MORC4: variants seen among roughly 807,000 people sequenced by gnomAD.
MORC4 encodes MORC family CW-type zinc finger 4.
In MORC4, 22 loss-of-function variants were observed where a neutral mutation model predicts 65.5. The observed-to-expected ratio is 0.34, with a 90% confidence interval of 0.24 to 0.48. MORC4 has a LOEUF of 0.48. Among genes scored for constraint, MORC4 ranks in the 20% least tolerant of loss-of-function variants. MORC4 has a pLI of 0.99. For synonymous variants in MORC4, 267 were observed against 255.8 expected, an observed-to-expected ratio of 1.04 and a Z score of -0.42; for missense variants, 624 against 703.0, an observed-to-expected ratio of 0.89 and a Z score of 1.27.
At chrX:106,961,666 A>G (rs774413774) in intron 10 of MORC4, among the ~76,000 whole-genome samples, 1 of 111,901 alleles carries the variant, frequency 8.9e-6, no homozygotes, top group Non-Finnish European at 1.9e-5. Flanking sequence ...GAGGATTGAA[A>G]AAAGGGCACT....
At chrX:106,997,240 C>T (rs764431313) in intron 2 of MORC4, among the ~76,000 whole-genome samples, 10 of 112,103 alleles carry the variant, frequency 8.9e-5, no homozygotes, top group African/African-American at 3.2e-4. Context: ...CATCCCTAGA[C>T]GTTCTCATAT....
chrX:106,999,557 A>C, intron 2 of MORC4, 120 bp downstream of exon 2: 3 of 563,912 alleles, frequency 5.3e-6, no homozygotes, highest in Non-Finnish European at 2.5e-6. Context: ...GCCGGTTCCG[A>C]GGCCCCCACC....
chrX:106,972,425 T>C (rs1400976849), intron 9 of MORC4, among the ~76,000 whole-genome samples: 1 of 110,201 alleles, frequency 9.1e-6, no homozygotes, highest in Non-Finnish European at 1.9e-5. Flanking sequence ...CATAACAAAA[T>C]TGCACGTTCT....
At chrX:106,948,950 T>G (rs1286702283) in intron 14 of MORC4, among the ~76,000 whole-genome samples, 1 of 111,769 alleles carries the variant, frequency 8.9e-6, no homozygotes, top group Non-Finnish European at 1.9e-5. Flanking sequence ...TACATTAATG[T>G]TTTTCATCAA....
chrX:106,998,067 G>C (rs1434469505), intron 2 of MORC4, among the ~76,000 whole-genome samples: 1 of 112,424 alleles, frequency 8.9e-6, no homozygotes, highest in Non-Finnish European at 1.9e-5. Flanking sequence ...CAGTGGCCTT[G>C]CGCACAGTGG....
intron 6 of MORC4, 52 bp from the exon 7 acceptor site, chrX:106,981,071 G>T: frequency 8.5e-7 from 1 of 1,176,383 alleles, no homozygotes; most frequent in Non-Finnish European, 1.1e-6. Context: ...TGCCAATTCT[G>T]CTGACATCCC....
chrX:106,986,716 C>G (rs964523363), intron 3 of MORC4, among the ~76,000 whole-genome samples: 16 of 112,001 alleles, frequency 1.4e-4, no homozygotes, highest in African/African-American at 4.9e-4. Flanking sequence ...TGTATCTTGA[C>G]AATTTCAACT....
Position 106,981,023 on chromosome X carries a change from C to T in MORC4, c.808-4G>A, listed in dbSNP as rs182601241. On this transcript the variant is annotated splice_region_variant and splice_polypyrimidine_tract_variant and intron_variant, in intron 6 of 16. Coordinates refer to ENST00000355610, the MANE Select transcript of MORC4 (RefSeq NM_024657.5). ...TGTATAGAATACCACAAAATGCCTA[C>T]GGAACAGAATGGTGAAGGGAAAGTT... is the stretch of plus-strand genomic sequence containing the variant. 47 of 1,206,365 alleles carry T rather than the reference C, an allele frequency of 3.9e-5. No individual in the cohort carries two copies. In the South Asian group the frequency reaches 4.8e-4, roughly 12 times the overall value.
chrX:106,997,092 T>C (rs1198978312), intron 2 of MORC4, among the ~76,000 whole-genome samples: 1 of 112,278 alleles, frequency 8.9e-6, no homozygotes, highest in African/African-American at 3.2e-5. Context: ...AAAGTATTCC[T>C]GCCTAAAGGT....
intron 14 of MORC4, among the ~76,000 whole-genome samples, chrX:106,946,598 A>C (rs1485309670): frequency 1.8e-5 from 2 of 112,425 alleles, no homozygotes; most frequent in Non-Finnish European, 3.8e-5. Flanking sequence ...GAACATTAGC[A>C]TACAAGTTTT....
At position 106,941,624 on chromosome X, in the gene MORC4, G is replaced by C. The variant is rs1933683207; in HGVS notation, c.2669C>G (p.Ala890Gly). 4 of 1,209,872 alleles carry C rather than the reference G, an allele frequency of 3.3e-6. No individual in the cohort carries two copies. In the African/African-American group the frequency reaches 6.9e-5, roughly 21 times the overall value. Reference sequence around the variant, plus strand: ...GTGGATACGTAGCCGCGTAAGCTTTGCCAAAGCCCTGTATGAAGGAGTGAG... The same window carrying C: ...GTGGATACGTAGCCGCGTAAGCTTTCCCAAAGCCCTGTATGAAGGAGTGAG... ...PEGDDLERAL[A>G]KLTRLRIHVS... is the part of the protein sequence containing the mutation. The change falls in exon 17 of 17, where the codon GCA becomes GGA. Residue 890 changes from alanine (A) to glycine (G), a missense_variant. Transcript: ENST00000355610.
At chrX:106,966,926 T>C (rs1274044082) in intron 9 of MORC4, among the ~76,000 whole-genome samples, 1 of 112,514 alleles carries the variant, frequency 8.9e-6, no homozygotes, top group Non-Finnish European at 1.9e-5. Flanking sequence ...GAAATGTCCC[T>C]GCCTGACAGC....
At chrX:106,950,128 C>T (rs938467758) in intron 14 of MORC4, among the ~76,000 whole-genome samples, 3 of 112,123 alleles carry the variant, frequency 2.7e-5, no homozygotes, top group African/African-American at 9.7e-5. Context: ...GTGGGTGTAG[C>T]CCTGTGCTTA....
intron 14 of MORC4, among the ~76,000 whole-genome samples, chrX:106,946,062 T>C (rs1418723831): frequency 8.9e-6 from 1 of 112,160 alleles, no homozygotes; most frequent in Non-Finnish European, 1.9e-5. Context: ...GGCCCTGTAA[T>C]AGTGTATATA....
chrX:106,981,078 TC>T, intron 6 of MORC4, 59 bp from the exon 7 acceptor site: 1 of 1,167,203 alleles, frequency 8.6e-7, no homozygotes, highest in Non-Finnish European at 1.2e-6. Context: ...TCTGCTGACA[TC>T]CCCATAAAAC....
intron 10 of MORC4, among the ~76,000 whole-genome samples, chrX:106,961,531 T>C (rs1026182391): frequency 8.9e-6 from 1 of 111,952 alleles, no homozygotes; most frequent in African/African-American, 3.2e-5. Context: ...GAGTGGGGAC[T>C]TGGGGAACTT....
intron 3 of MORC4, among the ~76,000 whole-genome samples, chrX:106,992,760 T>C (rs1214504307): frequency 8.9e-6 from 1 of 112,191 alleles, no homozygotes; most frequent in African/African-American, 3.2e-5. Flanking sequence ...AGAGTGAGTT[T>C]AGGTTAATAT....
chrX:106,986,170 C>T lies in MORC4; in HGVS notation c.339G>A (p.Lys113=), dbSNP rs771652152. The change falls in exon 4 of 17, where the codon AAG becomes AAA. Residue 113 remains lysine (K), a synonymous_variant. Coordinates refer to ENST00000355610, the MANE Select transcript of MORC4 (RefSeq NM_024657.5). ...SFGFTDKVIK[K]SQCPIGVFGN... ...CAAAGACCCCAATGGGACACTGGCT[C>T]TTCTTTATTACTTTATCTGTAAAGC... 1.8e-5 allele frequency: 22 copies of T among 1,206,402 alleles called. No individual in the cohort carries two copies. In the Middle Eastern group the frequency reaches 9.5e-4, roughly 52 times the overall value.
At chrX:106,996,182 C>CTTTTTT (rs565884580) in intron 2 of MORC4, among the ~76,000 whole-genome samples, 41 of 85,274 alleles carry the variant, frequency 4.8e-4, no homozygotes, top group Admixed American at 7.9e-4. Context: ...TTACTAGGTA[C>CTTTTTT]TTTTTTTTTT....
Sources: allele counts gnomAD v4.1 joint callset (sites outside exome capture counted in the v4.1 genomes callset), GRCh38; gene constraint gnomAD v4.1.1; transcripts MANE v1.5; gene names NCBI Gene and HGNC (gene_info 2026-07-23, HGNC 2026-07-21).